EXTL3: variants seen among roughly 807,000 people sequenced by gnomAD.
The protein encoded by EXTL3 is exostosin like glycosyltransferase 3, also known as exostosin-like 3.
EXTL3 carries 27 observed loss-of-function variants against 69.3 expected under a neutral mutation model. That is an observed-to-expected ratio of 0.39 (90% CI 0.29 to 0.54). The LOEUF (loss-of-function observed/expected upper bound fraction) is 0.54, where lower values mean the gene tolerates loss of function less well. Ranked by LOEUF, EXTL3 falls within the 20% of genes least tolerant of loss-of-function variation. The pLI is 0.69. For missense variants in EXTL3, 1,003 were observed against 1,231.8 expected (o/e 0.81, Z 2.78); for synonymous variants, 511 against 499.4 (o/e 1.02, Z -0.31).
intron 1 of EXTL3, among the ~76,000 whole-genome samples, chr8:28,694,204 T>C (rs1447587083): frequency 1.3e-5 from 2 of 152,182 alleles, no homozygotes; most frequent in Non-Finnish European, 2.9e-5. Context: ...AAGCAATCAG[T>C]GGGGGCCCCC....
At position 28,702,216 on chromosome 8, in the gene EXTL3, G is replaced by A. The variant is rs963477261; in HGVS notation, c.-570+557G>A. On this transcript the variant is annotated intron_variant, in intron 1 of 6. Coordinates refer to ENST00000220562, the MANE Select transcript of EXTL3 (RefSeq NM_001440.4). ...GCCCTCCCCGCTGGCTCTTTTTGCC[G>A]GGCTCGCCTCCTTTCAGGAGCCACA... Among the ~76,000 whole-genome samples the A allele has an allele frequency of 2.6e-5, 4 of 152,180 alleles. No homozygotes were observed. The East Asian group carries it at 5.8e-4, about 22-fold the overall frequency.
chr8:28,619,846 T>C (rs1471303199), upstream of EXTL3, among the ~76,000 whole-genome samples: 2 of 4,144 alleles, frequency 4.8e-4, no homozygotes, highest in African/African-American at 2.6e-3. Flanking sequence ...CTTCTGGTTC[T>C]TTTTTTTTTT....
intron 1 of EXTL3, among the ~76,000 whole-genome samples, chr8:28,651,327 T>C (rs1015326755): frequency 1.3e-5 from 2 of 152,020 alleles, no homozygotes; most frequent in Non-Finnish European, 2.9e-5. Context: ...TCAGAACAGT[T>C]TCTTCTGTTT....
chr8:28,687,055 T>C (rs966026907), intron 1 of EXTL3, among the ~76,000 whole-genome samples: 7 of 152,202 alleles, frequency 4.6e-5, no homozygotes, highest in South Asian at 2.1e-4. Flanking sequence ...CAGGCCCTGA[T>C]AGCCAGTTGG....
intron 1 of EXTL3, among the ~76,000 whole-genome samples, chr8:28,688,072 T>C (rs1250329842): frequency 2.0e-5 from 3 of 151,292 alleles, no homozygotes; most frequent in Admixed American, 6.6e-5. Context: ...TTTTTTTTTT[T>C]TTTTTTGAGA....
At chr8:28,702,136 T>C (rs904635782) in intron 1 of EXTL3, among the ~76,000 whole-genome samples, 1 of 151,776 alleles carries the variant, frequency 6.6e-6, no homozygotes, top group Non-Finnish European at 1.5e-5. Context: ...CCCCCACCCC[T>C]TCCCGAGCAC....
At chr8:28,726,024 C>T (rs1208495970) in intron 3 of EXTL3, among the ~76,000 whole-genome samples, 1 of 150,672 alleles carries the variant, frequency 6.6e-6, no homozygotes, top group Non-Finnish European at 1.5e-5. Context: ...GGCACAATCT[C>T]GGCTCACTGC....
chr8:28,746,968 C>T (rs61624582), intron 6 of EXTL3, among the ~76,000 whole-genome samples: 182 of 151,660 alleles, frequency 1.2e-3, no homozygotes, highest in African/African-American at 4.3e-3. Context: ...GCCACCGCAC[C>T]CAGCTTAAAT....
chr8:28,738,953 C>T (rs1459167098), intron 5 of EXTL3, among the ~76,000 whole-genome samples: 3 of 152,166 alleles, frequency 2.0e-5, no homozygotes, highest in African/African-American at 7.2e-5. Flanking sequence ...ACTGTCCTCA[C>T]GGAAGACCCT....
intron 1 of EXTL3, among the ~76,000 whole-genome samples, chr8:28,643,620 G>A (rs1449675845): frequency 9.9e-5 from 15 of 151,388 alleles, no homozygotes; most frequent in African/African-American, 2.9e-4. Context: ...GGGTTTCACC[G>A]TGTTAGCCAG....
At chr8:28,668,382 A>G (rs1585240946) in intron 1 of EXTL3, among the ~76,000 whole-genome samples, 2 of 112,088 alleles carry the variant, frequency 1.8e-5, no homozygotes, top group Admixed American at 2.6e-4. Flanking sequence ...CCCAGGCTGG[A>G]GTGCAGTGGT....
chr8:28,654,608 AT>A (rs1389549525), intron 1 of EXTL3, among the ~76,000 whole-genome samples: 1 of 152,170 alleles, frequency 6.6e-6, no homozygotes, highest in Non-Finnish European at 1.5e-5. Context: ...TTTAAAAAAA[AT>A]CTTTCAGGAA....
chr8:28,653,804 G>A (rs1448583458), intron 1 of EXTL3, among the ~76,000 whole-genome samples: 1 of 152,080 alleles, frequency 6.6e-6, no homozygotes, highest in East Asian at 1.9e-4. Context: ...AATACGTTTT[G>A]AAATCAGAAC....
upstream of EXTL3, among the ~76,000 whole-genome samples, chr8:28,622,147 G>C (rs1806418161): frequency 6.6e-6 from 1 of 152,158 alleles, no homozygotes; most frequent in South Asian, 2.1e-4. Context: ...CCCTCCCCTT[G>C]ACGTCATTTC....
intron 1 of EXTL3, among the ~76,000 whole-genome samples, chr8:28,710,204 G>C (rs1048367818): frequency 3.9e-5 from 6 of 152,168 alleles, no homozygotes; most frequent in Non-Finnish European, 8.8e-5. Context: ...GTAGATGTCT[G>C]TGTTGCTGAC....
intron 1 of EXTL3, among the ~76,000 whole-genome samples, chr8:28,713,101 C>A (rs1008744233): frequency 3.3e-5 from 5 of 152,184 alleles, no homozygotes; most frequent in Admixed American, 6.5e-5. Context: ...CCAGGTATAT[C>A]ATTTCATCTG....
At chr8:28,661,319 C>T (rs900667077) in intron 1 of EXTL3, among the ~76,000 whole-genome samples, 4 of 151,574 alleles carry the variant, frequency 2.6e-5, no homozygotes, top group African/African-American at 9.7e-5. Context: ...CATGTTGAGG[C>T]TTTATGTATA....
intron 1 of EXTL3, among the ~76,000 whole-genome samples, chr8:28,656,739 C>T (rs763410908): frequency 4.6e-5 from 7 of 152,094 alleles, no homozygotes; most frequent in African/African-American, 7.2e-5. Context: ...ACTTTGCTAG[C>T]TTCAAATATG....
At chr8:28,683,103 T>G (rs1183453390) in intron 1 of EXTL3, among the ~76,000 whole-genome samples, 1 of 152,224 alleles carries the variant, frequency 6.6e-6, no homozygotes, top group Non-Finnish European at 1.5e-5. Context: ...CTCTCTATTC[T>G]GTTCCATTGG....
Sources: gnomAD v4.1 joint callset for allele counts (sites outside exome capture counted in the v4.1 genomes callset) on GRCh38, gnomAD v4.1.1 for gene constraint, MANE v1.5 for transcripts, NCBI Gene and HGNC (gene_info 2026-07-23, HGNC 2026-07-21) for gene names.